The following RBP7 variants were observed in gnomAD, a reference collection of about 807,000 sequenced individuals.
RBP7 encodes the protein retinol binding protein 7.
RBP7 carries 13 observed loss-of-function variants against 16.7 expected under a neutral mutation model. That is an observed-to-expected ratio of 0.78 (90% CI 0.51 to 1.24). The LOEUF (loss-of-function observed/expected upper bound fraction) is 1.24, where lower values mean the gene tolerates loss of function less well. RBP7 is among the 50% of genes most tolerant of loss of function. The probability of loss-of-function intolerance (pLI) is 0.00; values close to 1 mark genes in which losing one functional copy is unlikely to be tolerated. For synonymous variants in RBP7, 54 were observed against 56.2 expected, an observed-to-expected ratio of 0.96 and a Z score of 0.17; for missense variants, 145 against 159.5, an observed-to-expected ratio of 0.91 and a Z score of 0.49.
chr1:10,007,841 G>GT (rs1238613276), intron 2 of RBP7, 93 bp downstream of exon 2: 6 of 1,155,152 alleles, frequency 5.2e-6, no homozygotes, highest in Non-Finnish European at 7.4e-6. Context: ...GAGGTCAGTA[G>GT]TTTGAGACCA....
Position 10,007,624 on chromosome 1 carries a change from T to C in RBP7, c.128T>C (p.Ile43Thr). 1 of 1,613,994 alleles carries C rather than the reference T, an allele frequency of 6.2e-7. No individual in the cohort carries two copies. Among genetic ancestry groups the C allele is most frequent in the Non-Finnish European group, 8.5e-7 (1 of 1,179,988 alleles). ...IAKLLKPQKV[I>T]EQNGDSFTIH... ...AAGTTGCTGAAGCCACAGAAAGTGATTGAGCAGAATGGGGATTCTTTTACC... is the reference window on the plus strand; with the variant it reads ...AAGTTGCTGAAGCCACAGAAAGTGACTGAGCAGAATGGGGATTCTTTTACC... The change falls in exon 2 of 4, where the codon ATT becomes ACT. Residue 43 changes from isoleucine (I) to threonine (T), a missense_variant. Transcript: ENST00000294435.
At chr1:10,010,288 G>A (rs1472829981) in intron 3 of RBP7, among the ~76,000 whole-genome samples, 5 of 151,378 alleles carry the variant, frequency 3.3e-5, no homozygotes, top group Admixed American at 2.0e-4. Context: ...GGTAATTTTT[G>A]TATTTTGAGT....
chr1:10,015,385 G>A (rs1339513158), intron 3 of RBP7, among the ~76,000 whole-genome samples: 1 of 149,172 alleles, frequency 6.7e-6, no homozygotes, highest in East Asian at 2.0e-4. Context: ...AAAGGCAGAG[G>A]TTGCAGTGAG....
chr1:10,006,955 C>CT lies in RBP7; in HGVS notation c.74-606dup, dbSNP rs757470210. On this transcript the variant is annotated intron_variant, in intron 1 of 3. Coordinates refer to ENST00000294435, the MANE Select transcript of RBP7 (RefSeq NM_052960.3). ...TGTCCCTTTGGTTTTCTTTTTCTTT[C>CT]TTTTTTTTTGAGATGGAGTCTCGCT... 7.2e-4 allele frequency: 309 copies of CT among 430,948 alleles called. 1 individual carries two copies. Among genetic ancestry groups the CT allele is most frequent in the Middle Eastern group, 1.4e-3 (2 of 1,384 alleles). The allele number at this position is 430,948 out of a possible 1,614,324, so 26.7% of individuals were successfully genotyped here. A position where few individuals can be genotyped will look rare whatever the true frequency, so the allele number is the denominator to read the frequency against.
At chr1:10,005,895 C>T (rs1199420264) in intron 1 of RBP7, among the ~76,000 whole-genome samples, 1 of 152,154 alleles carries the variant, frequency 6.6e-6, no homozygotes, top group East Asian at 1.9e-4. Context: ...CCTCTCCTTC[C>T]TCCTCCCTCT....
intron 1 of RBP7, among the ~76,000 whole-genome samples, chr1:9,998,410 T>TCTTC (rs68088711): frequency 8.2e-6 from 1 of 122,004 alleles, no homozygotes; most frequent in East Asian, 2.2e-4. Context: ...TTTCTTTCTT[T>TCTTC]TTTTTTTTTT....
chr1:10,011,064 T>C (rs1330730130), intron 3 of RBP7, among the ~76,000 whole-genome samples: 1 of 152,222 alleles, frequency 6.6e-6, no homozygotes, highest in Non-Finnish European at 1.5e-5. Context: ...CAACATTTTC[T>C]ATACAAAGCT....
Position 9,997,800 on chromosome 1 carries a change from C to T in RBP7, c.73+469C>T, listed in dbSNP as rs1309794533. Among the ~76,000 whole-genome samples the T allele has an allele frequency of 2.0e-5, 3 of 151,980 alleles. No individual in the cohort carries two copies. The highest frequency in any genetic ancestry group is 7.2e-5 in the African/African-American group (3 of 41,432). On this transcript the variant is annotated intron_variant, in intron 1 of 3. Coordinates refer to ENST00000294435, the MANE Select transcript of RBP7 (RefSeq NM_052960.3). The surrounding 1 kb of genome is among the most constrained non-coding windows in gnomAD (Gnocchi z 5.9). The stretch of plus-strand genomic sequence containing the variant: ...CCGCAGCCGCCTTCCGTGCAGGCCC[C>T]GGGGCCCCGGGCGCGCTCCCGCAGC...
chr1:9,997,526 A>T lies in RBP7; in HGVS notation c.73+195A>T, dbSNP rs1383942041. ...ATCGGGCGCGGGACCCCAGTCCTTC[A>T]GTCCCCCAGTCCGTCCTTTCCCGCG... is the stretch of plus-strand genomic sequence containing the variant. On this transcript the variant is annotated intron_variant, in intron 1 of 3. Coordinates refer to ENST00000294435, the MANE Select transcript of RBP7 (RefSeq NM_052960.3). This position sits in a 1 kb window ranked among gnomAD's most constrained non-coding sequence, Gnocchi z 5.9. 6.6e-6 allele frequency among the ~76,000 whole-genome samples: 1 copy of T among 150,858 alleles called. No homozygotes were observed.
chr1:10,006,899 T>A, intron 1 of RBP7: 1 of 414,668 alleles, frequency 2.4e-6, no homozygotes. Flanking sequence ...GGCAGAGTTA[T>A]GACTGAGGCT....
rs34027227 is a variant in RBP7 at position 9,998,387 on chromosome 1, TTTTCTTTC to T, written c.73+1072_73+1079del. On this transcript the variant is annotated intron_variant, in intron 1 of 3. Transcript: ENST00000294435. ...CCCGTGGGCAATTTTTGTTTTCTTTTTTTCTTTCTTTCTTTCTTTCTTTTTTTTTTTTT... is the reference window on the plus strand; with the variant it reads ...CCCGTGGGCAATTTTTGTTTTCTTTTTTTCTTTCTTTCTTTTTTTTTTTTT... Among the ~76,000 whole-genome samples, 3 of 127,604 alleles carry T rather than the reference TTTTCTTTC, an allele frequency of 2.4e-5. No homozygotes were observed. The South Asian group carries it at 7.6e-4, about 32-fold the overall frequency. The allele number at this position is 127,604 out of a possible 152,430, so 83.7% of individuals were successfully genotyped here. A position where few individuals can be genotyped will look rare whatever the true frequency, so the allele number is the denominator to read the frequency against.
intron 3 of RBP7, among the ~76,000 whole-genome samples, 198 bp downstream of exon 3, chr1:10,008,472 C>T (rs1023179633): frequency 1.4e-5 from 2 of 142,754 alleles, no homozygotes; most frequent in East Asian, 2.1e-4. Flanking sequence ...GATGGAGTAT[C>T]GCTGTGTCAC....
chr1:9,998,811 A>G (rs985055685), intron 1 of RBP7, among the ~76,000 whole-genome samples: 2 of 152,118 alleles, frequency 1.3e-5, no homozygotes, highest in Non-Finnish European at 2.9e-5. Context: ...GGTATGGGAA[A>G]AGCACCTCTC....
At chr1:9,999,365 G>C (rs771053951) in intron 1 of RBP7, among the ~76,000 whole-genome samples, 8 of 151,894 alleles carry the variant, frequency 5.3e-5, no homozygotes, top group Non-Finnish European at 1.0e-4. Flanking sequence ...TGGCCAACAT[G>C]GTGAAACCCC....
intron 3 of RBP7, among the ~76,000 whole-genome samples, chr1:10,014,636 C>T (rs1002724357): frequency 6.6e-6 from 1 of 152,084 alleles, no homozygotes; most frequent in African/African-American, 2.4e-5. Flanking sequence ...ATCTGCCCGC[C>T]TCGGCCACTC....
At chr1:10,010,478 G>A (rs531593707) in intron 3 of RBP7, among the ~76,000 whole-genome samples, 37 of 151,512 alleles carry the variant, frequency 2.4e-4, no homozygotes, top group Middle Eastern at 6.8e-3. Flanking sequence ...GTGCAGTGGC[G>A]CAATCTCGGC....
chr1:10,011,166 A>G (rs1382058848), intron 3 of RBP7, among the ~76,000 whole-genome samples: 1 of 151,780 alleles, frequency 6.6e-6, no homozygotes, highest in Non-Finnish European at 1.5e-5. Flanking sequence ...TCTTTATTTT[A>G]TTTTTCTTCC....
Position 10,015,847 on chromosome 1 carries a change from C to A in RBP7, c.*15C>A. The A allele has an allele frequency of 6.2e-7, 1 of 1,613,002 alleles. No homozygotes were observed. The highest frequency in any genetic ancestry group is 8.5e-7 in the Non-Finnish European group (1 of 1,179,040). ...AGAGAGCCTGATCCACATCCAGCAG[C>A]AGAGCCCACTTGTGGCTGCAGCTTT... On this transcript the variant is annotated 3_prime_UTR_variant, in exon 4 of 4. Transcript: ENST00000294435.
intron 1 of RBP7, among the ~76,000 whole-genome samples, chr1:10,005,341 G>C (rs1347497487): frequency 6.6e-6 from 1 of 151,370 alleles, no homozygotes; most frequent in Non-Finnish European, 1.5e-5. Context: ...CCCGACCCAG[G>C]TGTGAGCCAC....
Sources: gnomAD v4.1 joint callset for allele counts (sites outside exome capture counted in the v4.1 genomes callset) on GRCh38, gnomAD v4.1.1 for gene constraint, Gnocchi (gnomAD v3.1) non-coding constraint, MANE v1.5 for transcripts, NCBI Gene and HGNC (gene_info 2026-07-23, HGNC 2026-07-21) for gene names.